CUBN: variants seen among roughly 807,000 people sequenced by gnomAD.
CUBN encodes the protein cubilin, also known as 460 kDa receptor.
A neutral mutation model predicts 405.3 loss-of-function variants in CUBN; 282 were observed. The ratio of observed to expected loss-of-function variants is 0.70; its 90% CI spans 0.63 to 0.77. The LOEUF (loss-of-function observed/expected upper bound fraction) is 0.77, where lower values mean the gene tolerates loss of function less well. Among genes scored for constraint, CUBN ranks in the 30% least tolerant of loss-of-function variants. The pLI is 0.00. For missense variants in CUBN, 4,514 were observed against 4,475.2 expected, an observed-to-expected ratio of 1.01 and a Z score of -0.25; for synonymous variants, 1,684 against 1,617.0, an observed-to-expected ratio of 1.04 and a Z score of -0.99.
At chr10:16,828,675 G>A (rs571946903) in intron 66 of CUBN, 130 bp downstream of exon 66, 82 of 736,504 alleles carry the variant, frequency 1.1e-4, no homozygotes, top group East Asian at 9.7e-4. Context: ...TTGAGATTGC[G>A]CGCACCACTG....
intron 28 of CUBN, among the ~76,000 whole-genome samples, chr10:17,011,088 T>C (rs763364470): frequency 4.6e-5 from 7 of 152,312 alleles, no homozygotes; most frequent in African/African-American, 1.7e-4. Context: ...TTCCAGTTGA[T>C]TGAAATACAC....
chr10:16,939,519 A>T (rs1176975688), intron 37 of CUBN, among the ~76,000 whole-genome samples: 1 of 152,226 alleles, frequency 6.6e-6, no homozygotes, highest in African/African-American at 2.4e-5. Flanking sequence ...AGAAAAACTG[A>T]TAGTTTGAAA....
intron 6 of CUBN, among the ~76,000 whole-genome samples, chr10:17,117,532 A>G (rs768451746): frequency 1.8e-4 from 28 of 152,136 alleles, no homozygotes; most frequent in Non-Finnish European, 3.1e-4. Context: ...GTGCCACCAC[A>G]CCCGGCTAAT....
intron 59 of CUBN, among the ~76,000 whole-genome samples, chr10:16,863,849 T>C (rs1344490596): frequency 1.3e-5 from 2 of 152,200 alleles, no homozygotes; most frequent in African/African-American, 4.8e-5. Flanking sequence ...CCCACTGTCT[T>C]CATTTAACGT....
rs550920973 is a variant in CUBN at position 17,108,220 on chromosome 10, A to G, written c.1111+1420T>C. Among the ~76,000 whole-genome samples the G allele has an allele frequency of 6.8e-4, 103 of 152,332 alleles. 4 individuals are homozygous for G. In the South Asian group the frequency reaches 0.021, roughly 31 times the overall value. On this transcript the variant is annotated intron_variant, in intron 10 of 66. Coordinates refer to ENST00000377833, the MANE Select transcript of CUBN (RefSeq NM_001081.4). Reference sequence around the variant, plus strand: ...TGCTATTATTATCCTCATTTTACAGATGAAGAACTAAAGCACAGAGATTAA... The same window carrying G: ...TGCTATTATTATCCTCATTTTACAGGTGAAGAACTAAAGCACAGAGATTAA...
intron 27 of CUBN, among the ~76,000 whole-genome samples, chr10:17,039,262 G>A (rs1441466431): frequency 6.6e-6 from 1 of 152,208 alleles, no homozygotes; most frequent in Non-Finnish European, 1.5e-5. Flanking sequence ...GGATTGCACT[G>A]CGTGTGTAGG....
At chr10:17,061,506 G>A (rs984038496) in intron 22 of CUBN, among the ~76,000 whole-genome samples, 5 of 152,022 alleles carry the variant, frequency 3.3e-5, no homozygotes, top group Admixed American at 6.5e-5. Context: ...CTCTTTACCC[G>A]TTTAGTGTAA....
At chr10:17,016,658 A>G (rs957112938) in intron 28 of CUBN, among the ~76,000 whole-genome samples, 1 of 152,158 alleles carries the variant, frequency 6.6e-6, no homozygotes. Context: ...TCCTTCCCCT[A>G]CAGCTTGAAG....
chr10:17,087,600 C>T (rs898082064), intron 15 of CUBN, among the ~76,000 whole-genome samples: 3 of 149,432 alleles, frequency 2.0e-5, no homozygotes, highest in Non-Finnish European at 4.4e-5. Flanking sequence ...CTCAGACTGA[C>T]GAGTAGCTGG....
chr10:16,924,682 T>C (rs1233820386), intron 43 of CUBN, among the ~76,000 whole-genome samples: 1 of 152,006 alleles, frequency 6.6e-6, no homozygotes, highest in African/African-American at 2.4e-5. Context: ...TAAACATTAC[T>C]AAAAAGCAAA....
Position 17,114,057 on chromosome 10 carries a change from C to A in CUBN, c.853G>T (p.Gly285Cys). 1 of 1,613,082 alleles carries A rather than the reference C, an allele frequency of 6.2e-7. No individual in the cohort carries two copies. Among genetic ancestry groups the A allele is most frequent in the Non-Finnish European group, 8.5e-7 (1 of 1,179,628 alleles). The stretch of plus-strand genomic sequence containing the variant: ...GGACAGGCCCCACAGTAGAAAGAGC[C>A]TTGAGTGTTGAAACACTGCACAAGT... ...STLVQCFNTQGSFYCGACPTG... is the reference protein window; with the variant it reads ...STLVQCFNTQCSFYCGACPTG... Residue 285 changes from glycine to cysteine, a missense_variant, in exon 8 of 67, where the codon GGC becomes TGC. Coordinates refer to ENST00000377833, the MANE Select transcript of CUBN (RefSeq NM_001081.4).
At chr10:16,924,138 G>C (rs1410884876) in intron 43 of CUBN, among the ~76,000 whole-genome samples, 2 of 152,120 alleles carry the variant, frequency 1.3e-5, no homozygotes, top group Admixed American at 1.3e-4. Context: ...GGATGGGTAG[G>C]ATGGGCTGAC....
intron 16 of CUBN, 104 bp from the exon 17 acceptor site, chr10:17,084,565 AG>A: frequency 4.9e-6 from 4 of 822,512 alleles, no homozygotes; most frequent in Non-Finnish European, 8.0e-6. Context: ...CACACACACA[AG>A]CACATATCCA....
intron 13 of CUBN, among the ~76,000 whole-genome samples, chr10:17,100,614 A>T (rs1836474295): frequency 6.6e-6 from 1 of 152,200 alleles, no homozygotes; most frequent in Non-Finnish European, 1.5e-5. Flanking sequence ...ACTGGCTAAT[A>T]TTACCATTCA....
At chr10:17,057,007 T>C (rs1270182689) in intron 22 of CUBN, among the ~76,000 whole-genome samples, 2 of 152,138 alleles carry the variant, frequency 1.3e-5, no homozygotes, top group African/African-American at 2.4e-5. Context: ...GCTATGCAAC[T>C]GCCAGTGGCT....
At chr10:16,838,050 T>C (rs954645418) in intron 62 of CUBN, among the ~76,000 whole-genome samples, 5 of 152,176 alleles carry the variant, frequency 3.3e-5, no homozygotes, top group African/African-American at 1.2e-4. Context: ...AGGGTACCAA[T>C]GGGTAATAGA....
chr10:16,914,265 C>T (rs1016674030), intron 47 of CUBN, among the ~76,000 whole-genome samples: 4 of 152,074 alleles, frequency 2.6e-5, no homozygotes, highest in African/African-American at 7.2e-5. Context: ...ATGTAATGAA[C>T]TTAAGAATCA....
chr10:17,075,662 T>C (rs1025371519), intron 17 of CUBN, among the ~76,000 whole-genome samples: 3 of 152,180 alleles, frequency 2.0e-5, no homozygotes, highest in African/African-American at 7.2e-5. Flanking sequence ...GATTCAGCCA[T>C]ATGATAGAGT....
chr10:16,851,211 G>T (rs773492732), intron 60 of CUBN, 24 bp downstream of exon 60: 3 of 1,574,610 alleles, frequency 1.9e-6, no homozygotes, highest in East Asian at 2.2e-5. Context: ...AATAGACTCT[G>T]TTAAAAAAAT....
Sources: allele counts gnomAD v4.1 joint callset (sites outside exome capture counted in the v4.1 genomes callset), GRCh38; gene constraint gnomAD v4.1.1; transcripts MANE v1.5; gene names NCBI Gene and HGNC (gene_info 2026-07-23, HGNC 2026-07-21).